The following ELOVL4 variants were observed in gnomAD, a reference collection of about 807,000 sequenced individuals.
ELOVL4 encodes ELOVL fatty acid elongase 4.
In ELOVL4, 18 loss-of-function variants were observed where a neutral mutation model predicts 42.1. The observed-to-expected ratio is 0.43, with a 90% CI of 0.30 to 0.63. ELOVL4 has a LOEUF of 0.63. Among genes scored for constraint, ELOVL4 ranks in the 30% least tolerant of loss-of-function variants. The pLI, the probability that ELOVL4 is intolerant of heterozygous loss-of-function variation, is 0.15. For synonymous variants in ELOVL4, 117 were observed against 127.0 expected (o/e 0.92, Z 0.53); for missense variants, 299 against 376.2 (o/e 0.79, Z 1.70).
intron 2 of ELOVL4, 25 bp downstream of exon 2, chr6:79,926,166 AATT>A (rs764290561): frequency 7.5e-6 from 12 of 1,592,268 alleles, no homozygotes; most frequent in South Asian, 1.1e-5. Context: ...AACCTTGGAA[AATT>A]ATTAAAGTGA....
chr6:79,941,047 T>C (rs745524284), intron 1 of ELOVL4, among the ~76,000 whole-genome samples: 6 of 152,344 alleles, frequency 3.9e-5, no homozygotes, highest in Middle Eastern at 3.4e-3. Flanking sequence ...ATTTAGGCAG[T>C]GTTGATAACA....
intron 1 of ELOVL4, among the ~76,000 whole-genome samples, chr6:79,943,981 C>A (rs1311771551): frequency 6.6e-6 from 1 of 152,166 alleles, no homozygotes; most frequent in African/African-American, 2.4e-5. Context: ...CCCCAACCAA[C>A]AGACAGCACC....
rs1299925993 is a variant in ELOVL4, at chr6:79,915,127, ATGT to A, written c.*1478_*1480del. 3 of 152,602 alleles carry A rather than the reference ATGT, an allele frequency of 2.0e-5. No homozygotes were observed. In the East Asian group the frequency reaches 5.8e-4, roughly 29 times the overall value. The allele number at this position is 152,602 out of a possible 1,614,324, so 9.5% of individuals were successfully genotyped here. Reference sequence around the variant, plus strand: ...TACATCCTACACATGCAGCTTTGACATGTTGTTGAGATACTTAAGAAATATTCA... The same window carrying A: ...TACATCCTACACATGCAGCTTTGACATGTTGAGATACTTAAGAAATATTCA... On this transcript the variant is annotated 3_prime_UTR_variant, in exon 6 of 6. Transcript: ENST00000369816.
rs34673896 is a variant in ELOVL4, at chr6:79,928,727, G to GTTTTTTTT, written c.101-2354_101-2347dup. ...TACCAGTAAGTAGACTGGTGACTGG[G>GTTTTTTTT]TTTTTTTTTTTTTTTTTTTTTTTTT... On this transcript the variant is annotated intron_variant, in intron 1 of 5. Transcript: ENST00000369816. Among the ~76,000 whole-genome samples the GTTTTTTTT allele has an allele frequency of 4.8e-3, 360 of 75,606 alleles. 51 individuals are homozygous for GTTTTTTTT. The highest frequency in any genetic ancestry group is 0.022 in the African/African-American group (349 of 15,718). The allele number at this position is 75,606 out of a possible 152,430, so 49.6% of individuals were successfully genotyped here.
In ELOVL4 at chr6:79,933,341, G is replaced by A. The variant is rs1016123624; in HGVS notation, c.101-6960C>T. ...CACCTCCAGGGCGTAAGCGATTTTC[G>A]TGCCTCAGCCACCCAAGTAGCTTGG... On this transcript the variant is annotated intron_variant, in intron 1 of 5. Coordinates refer to ENST00000369816, the MANE Select transcript of ELOVL4 (RefSeq NM_022726.4). Among the ~76,000 whole-genome samples, 5 of 152,034 alleles carry A rather than the reference G, an allele frequency of 3.3e-5. 1 individual carries two copies. Among genetic ancestry groups the A allele is most frequent in the African/African-American group, 7.2e-5 (3 of 41,382 alleles).
In ELOVL4 at chr6:79,947,319, G is replaced by C; in HGVS notation, c.-40C>G. ...GGCGCTGGCGGCAGGAGAAAGCGGA[G>C]ACCCAGAGAGAGGGCTGACCCCGGA... On this transcript the variant is annotated 5_prime_UTR_variant, in exon 1 of 6. Coordinates refer to ENST00000369816, the MANE Select transcript of ELOVL4 (RefSeq NM_022726.4). 6.6e-7 allele frequency: 1 copy of C among 1,516,852 alleles called. No homozygotes were observed. Among genetic ancestry groups the C allele is most frequent in the Non-Finnish European group, 9.1e-7 (1 of 1,101,846 alleles). 94.0% of individuals were successfully genotyped at this position (1,516,852 alleles called of 1,614,324 possible). A position where few individuals can be genotyped will look rare whatever the true frequency, so the allele number is the denominator to read the frequency against.
chr6:79,921,489 A>AAAAAAAT, intron 4 of ELOVL4, 136 bp downstream of exon 4: 2 of 448,704 alleles, frequency 4.5e-6, no homozygotes, highest in East Asian at 4.0e-5. Flanking sequence ...AAAAAAAAAA[A>AAAAAAAT]GAAATGAACA....
At position 79,919,456 on chromosome 6, in the gene ELOVL4, A is replaced by G. The variant is rs1486924167; in HGVS notation, c.633T>C (p.Tyr211=). Residue 211 remains tyrosine, a synonymous_variant, in exon 5 of 6, where the codon TAT becomes TAC. Transcript: ENST00000369816. Reference sequence around the variant, plus strand: ...TAGTCAGGTATCGTTTCCACCAAAGATATTTCTGAATCCATGGGCCAAATG... The same window carrying G: ...TAGTCAGGTATCGTTTCCACCAAAGGTATTTCTGAATCCATGGGCCAAATG... ...LTAFGPWIQK[Y]LWWKRYLTML... is the part of the protein sequence containing the mutation. 1.9e-6 allele frequency: 3 copies of G among 1,613,754 alleles called. No individual in the cohort carries two copies. The highest frequency in any genetic ancestry group is 3.3e-5 in the Admixed American group (2 of 60,004).
intron 1 of ELOVL4, among the ~76,000 whole-genome samples, chr6:79,932,385 A>G (rs1220925824): frequency 6.6e-6 from 1 of 152,032 alleles, no homozygotes. Flanking sequence ...TACTAAAAAT[A>G]CAAAAAAAAT....
At chr6:79,935,809 C>T (rs1196712329) in intron 1 of ELOVL4, among the ~76,000 whole-genome samples, 1 of 152,088 alleles carries the variant, frequency 6.6e-6, no homozygotes, top group Non-Finnish European at 1.5e-5. Context: ...TCTTCTTTTT[C>T]CATAACAGTA....
Position 79,947,402 on chromosome 6 carries a change from C to T in ELOVL4, c.-123G>A. Reference sequence around the variant, plus strand: ...GGGAACCCCTCTAACGGCGGCGGCCCGGCTGCGTCTTCTCCTGCTCCTCAA... The same window carrying T: ...GGGAACCCCTCTAACGGCGGCGGCCTGGCTGCGTCTTCTCCTGCTCCTCAA... On this transcript the variant is annotated 5_prime_UTR_variant, in exon 1 of 6. Transcript: ENST00000369816. 4.0e-6 allele frequency: 3 copies of T among 754,944 alleles called. No individual in the cohort carries two copies. The highest frequency in any genetic ancestry group is 3.0e-5 in the South Asian group (2 of 67,512). The allele number at this position is 754,944 out of a possible 1,614,324, so 46.8% of individuals were successfully genotyped here. A position where few individuals can be genotyped will look rare whatever the true frequency, so the allele number is the denominator to read the frequency against.
chr6:79,926,361 G>A lies in ELOVL4; in HGVS notation c.121C>T (p.Pro41Ser), dbSNP rs1177083799. ...GTAGGCCAAGGAGACTGCATCAGAGGCCAATTTTCCACACGCTTATCTATA... is the reference window on the plus strand; with the variant it reads ...GTAGGCCAAGGAGACTGCATCAGAGACCAATTTTCCACACGCTTATCTATA... Reference protein sequence around the residue: ...SIADKRVENWPLMQSPWPTLS... With the variant: ...SIADKRVENWSLMQSPWPTLS... Residue 41 changes from proline to serine, a missense_variant, in exon 2 of 6, where the codon CCT becomes TCT. By Grantham distance (74) the Pro-to-Ser change is moderately conservative. Transcript: ENST00000369816. 1 of 1,613,672 alleles carries A rather than the reference G, an allele frequency of 6.2e-7. No individual in the cohort carries two copies. Among genetic ancestry groups the A allele is most frequent in the Non-Finnish European group, 8.5e-7 (1 of 1,179,880 alleles).
At position 79,916,386 on chromosome 6, in the gene ELOVL4, T is replaced by C; in HGVS notation, c.*222A>G. 1.8e-6 allele frequency: 1 copy of C among 550,870 alleles called. No homozygotes were observed. Among genetic ancestry groups the C allele is most frequent in the Non-Finnish European group, 3.2e-6 (1 of 312,978 alleles). 34.1% of individuals were successfully genotyped at this position (550,870 alleles called of 1,614,324 possible). ...AATGATTGCTTTGGTCTGGAGAATATCAAGGCTAATTTTTAAAAAAAATGT... is the reference window on the plus strand; with the variant it reads ...AATGATTGCTTTGGTCTGGAGAATACCAAGGCTAATTTTTAAAAAAAATGT... On this transcript the variant is annotated 3_prime_UTR_variant, in exon 6 of 6. Transcript: ENST00000369816.
At chr6:79,931,557 G>T (rs1226663417) in intron 1 of ELOVL4, among the ~76,000 whole-genome samples, 1 of 152,112 alleles carries the variant, frequency 6.6e-6, no homozygotes, top group Non-Finnish European at 1.5e-5. Flanking sequence ...ACTTTTAAAA[G>T]TTCCCTCAAT....
At chr6:79,918,238 C>T (rs1265580497) in intron 5 of ELOVL4, among the ~76,000 whole-genome samples, 1 of 151,932 alleles carries the variant, frequency 6.6e-6, no homozygotes, top group Non-Finnish European at 1.5e-5. Flanking sequence ...TATAATTTTC[C>T]TTGGCAAATA....
chr6:79,919,515 G>T lies in ELOVL4; in HGVS notation c.574C>A (p.His192Asn). 1 of 1,613,408 alleles carries T rather than the reference G, an allele frequency of 6.2e-7. No homozygotes were observed. Among genetic ancestry groups the T allele is most frequent in the Non-Finnish European group, 8.5e-7 (1 of 1,179,686 alleles). ...FFGAQLNSFIHVIMYSYYGLT... is the reference protein window; with the variant it reads ...FFGAQLNSFINVIMYSYYGLT... ...CCATAGTATGAGTACATAATCACATGGATAAAGGAATTCAACTGGGCTCCA... is the reference window on the plus strand; with the variant it reads ...CCATAGTATGAGTACATAATCACATTGATAAAGGAATTCAACTGGGCTCCA... Residue 192 changes from histidine to asparagine, a missense_variant, in exon 5 of 6, where the codon CAT (histidine) becomes AAT (asparagine). By Grantham distance (68) the His-to-Asn change is moderately conservative. Transcript: ENST00000369816.
At chr6:79,936,985 G>C (rs1037956392) in intron 1 of ELOVL4, among the ~76,000 whole-genome samples, 6 of 152,208 alleles carry the variant, frequency 3.9e-5, no homozygotes, top group African/African-American at 1.4e-4. Flanking sequence ...GTTTGGAAGA[G>C]CACCTGGATG....
chr6:79,933,654 A>G (rs1774493260), intron 1 of ELOVL4, among the ~76,000 whole-genome samples: 1 of 152,100 alleles, frequency 6.6e-6, no homozygotes, highest in Admixed American at 6.5e-5. Context: ...CCACTAGACT[A>G]CCCATGTAAG....
chr6:79,929,359 G>T (rs1315964703), intron 1 of ELOVL4, among the ~76,000 whole-genome samples: 1 of 152,110 alleles, frequency 6.6e-6, no homozygotes, highest in African/African-American at 2.4e-5. Context: ...TCCCACCTCA[G>T]ACTCCCAAGT....
Sources: gnomAD v4.1 joint callset for allele counts (sites outside exome capture counted in the v4.1 genomes callset) on GRCh38, gnomAD v4.1.1 for gene constraint, MANE v1.5 for transcripts, NCBI Gene and HGNC (gene_info 2026-07-23, HGNC 2026-07-21) for gene names.